CTDNEP1: variants seen among roughly 807,000 people sequenced by gnomAD.
CTDNEP1 encodes the protein C-terminal domain nuclear envelope phosphatase 1.
In CTDNEP1, 3 loss-of-function variants were observed where a neutral mutation model predicts 30.1. That is an observed-to-expected ratio of 0.10 (90% CI 0.05 to 0.26). The LOEUF is 0.26. Among genes scored for constraint, CTDNEP1 ranks in the 10% least tolerant of loss-of-function variants. The pLI is 1.00. For synonymous variants in CTDNEP1, 123 were observed against 118.8 expected, an observed-to-expected ratio of 1.04 and a Z score of -0.23; for missense variants, 158 against 310.4, an observed-to-expected ratio of 0.51 and a Z score of 3.69.
chr17:7,250,336 C>G (rs1412652555), intron 1 of CTDNEP1, among the ~76,000 whole-genome samples: 1 of 152,224 alleles, frequency 6.6e-6, no homozygotes, highest in Non-Finnish European at 1.5e-5. Context: ...AGAGCACATT[C>G]ATTTAAAGTG....
In CTDNEP1 at chr17:7,243,918, T is replaced by C. The variant is rs1481455069; in HGVS notation, c.*267A>G. ...AGTCCTGCCTCTTCACAAACACTGATTCGGCTCTCCTAGGCTTCCGCCTGT... is the reference window on the plus strand; with the variant it reads ...AGTCCTGCCTCTTCACAAACACTGACTCGGCTCTCCTAGGCTTCCGCCTGT... On this transcript the variant is annotated 3_prime_UTR_variant, in exon 8 of 8. Coordinates refer to ENST00000574322, the MANE Select transcript of CTDNEP1 (RefSeq NM_001143775.2). 2 of 1,313,862 alleles carry C rather than the reference T, an allele frequency of 1.5e-6. No individual in the cohort carries two copies. Among genetic ancestry groups the C allele is most frequent in the African/African-American group, 3.0e-5 (2 of 67,262 alleles). The allele number at this position is 1,313,862 out of a possible 1,614,324, so 81.4% of individuals were successfully genotyped here.
chr17:7,248,709 A>AC (rs2071876663), intron 1 of CTDNEP1, among the ~76,000 whole-genome samples: 1 of 151,642 alleles, frequency 6.6e-6, no homozygotes, highest in East Asian at 1.9e-4. Context: ...CAAAGAAACG[A>AC]CCCCCACAAC....
At chr17:7,249,901 ACT>A (rs2071890176) in intron 1 of CTDNEP1, among the ~76,000 whole-genome samples, 1 of 152,056 alleles carries the variant, frequency 6.6e-6, no homozygotes, top group Non-Finnish European at 1.5e-5. Flanking sequence ...ACAAAGCGAG[ACT>A]GTCTCAGAAA....
chr17:7,247,856 T>C (rs972281268), intron 1 of CTDNEP1, among the ~76,000 whole-genome samples: 1 of 152,106 alleles, frequency 6.6e-6, no homozygotes, highest in African/African-American at 2.4e-5. Flanking sequence ...AGGAATTATC[T>C]TAAGTTGTTT....
intron 7 of CTDNEP1, 27 bp from the exon 8 acceptor site, chr17:7,244,272 A>G (rs987262022): frequency 6.2e-6 from 10 of 1,612,428 alleles, no homozygotes; most frequent in Non-Finnish European, 8.5e-6. Flanking sequence ...TTGCATTGGT[A>G]GAGTACCTTA....
At chr17:7,247,474 T>C in intron 1 of CTDNEP1, 131 bp from the exon 2 acceptor site, 6 of 648,688 alleles carry the variant, frequency 9.2e-6, no homozygotes, top group Non-Finnish European at 1.3e-5. Context: ...CTTCTTCTTT[T>C]TTTTTTTTTT....
rs2071861713 is a variant in CTDNEP1, at chr17:7,247,721, C to T, written c.103-378G>A. Among the ~76,000 whole-genome samples, 4 of 151,970 alleles carry T rather than the reference C, an allele frequency of 2.6e-5. No homozygotes were observed. The South Asian group carries it at 8.3e-4, about 32-fold the overall frequency. ...TGACCTTGTGATCCTCCTGCCTTTG[C>T]CTCCCAAAGTGCTGGGATTACAGGA... On this transcript the variant is annotated intron_variant, in intron 1 of 7. Transcript: ENST00000574322.
chr17:7,250,016 C>G (rs1324549436), intron 1 of CTDNEP1, among the ~76,000 whole-genome samples: 1 of 151,992 alleles, frequency 6.6e-6, no homozygotes, highest in Non-Finnish European at 1.5e-5. Context: ...AGCGCTGCTG[C>G]CTACAGCCAC....
chr17:7,248,087 C>G (rs901955387), intron 1 of CTDNEP1, among the ~76,000 whole-genome samples: 31 of 150,872 alleles, frequency 2.1e-4, no homozygotes, highest in Non-Finnish European at 4.4e-4. Context: ...ATGGTGAAAC[C>G]CCGTCTCTAC....
chr17:7,246,526 C>T lies in CTDNEP1; in HGVS notation c.361-156G>A, dbSNP rs2071839935. ...GAAATTCTGAACCCCCAGCCCAAAC[C>T]TCCAAACTCAGTGTTAGGCATCCTA... On this transcript the variant is annotated intron_variant, in intron 4 of 7. Transcript: ENST00000574322. The surrounding 1 kb of genome is among the most constrained non-coding windows in gnomAD (Gnocchi z 4.9). 1.5e-6 allele frequency: 1 copy of T among 662,564 alleles called. No individual in the cohort carries two copies. Among genetic ancestry groups the T allele is most frequent in the Non-Finnish European group, 2.6e-6 (1 of 379,344 alleles). 41.0% of individuals were successfully genotyped at this position (662,564 alleles called of 1,614,324 possible). A position where few individuals can be genotyped will look rare whatever the true frequency, so the allele number is the denominator to read the frequency against.
chr17:7,248,349 CCTCT>C (rs1395761544), intron 1 of CTDNEP1, among the ~76,000 whole-genome samples: 2 of 146,732 alleles, frequency 1.4e-5, no homozygotes, highest in South Asian at 4.2e-4. Context: ...AAGAACGTGC[CCTCT>C]TTTTTTTTCT....
Position 7,244,598 on chromosome 17 carries a change from G to A in CTDNEP1, c.627C>T (p.Pro209=), listed in dbSNP as rs1317753883. 10 of 1,613,408 alleles carry A rather than the reference G, an allele frequency of 6.2e-6. No individual in the cohort carries two copies. Among genetic ancestry groups the A allele is most frequent in the Admixed American group, 1.7e-5 (1 of 59,888 alleles). Residue 209 remains proline (P), a synonymous_variant, in exon 7 of 8, where the codon CCC becomes CCT. Transcript: ENST00000574322. ...GCAGGTTGAGAAGGGCTGTGTCGCT[G>A]GGGTCACTGAACCAGGATTTGATGG... ...AIPIKSWFSD[P]SDTALLNLLP...
At chr17:7,247,522 G>A (rs1398143136) in intron 1 of CTDNEP1, among the ~76,000 whole-genome samples, 179 bp from the exon 2 acceptor site, 1 of 149,264 alleles carries the variant, frequency 6.7e-6, no homozygotes, top group East Asian at 2.0e-4. Flanking sequence ...AGGCTGGAGT[G>A]CAGCGGCATG....
Position 7,246,871 on chromosome 17 carries a change from G to A in CTDNEP1, c.289-9C>T, listed in dbSNP as rs766238158. 4.6e-5 allele frequency: 74 copies of A among 1,612,526 alleles called. No individual in the cohort carries two copies. The South Asian group carries it at 7.8e-4, about 17-fold the overall frequency. ...TGTTTGTCTATTACCACCTACAGAG[G>A]AACAAGATGGGCTGGGGGATGTCAT... On this transcript the variant is annotated splice_polypyrimidine_tract_variant and intron_variant, in intron 3 of 7. Transcript: ENST00000574322. The surrounding 1 kb of genome is among the most constrained non-coding windows in gnomAD (Gnocchi z 4.9).
In CTDNEP1 at chr17:7,246,650, TC is replaced by T. The variant is rs1317520433; in HGVS notation, c.360+140del. Reference sequence around the variant, plus strand: ...ATGAACCCCAAGTACTGAAAGCCACTCCCCTACCATTACACAGCCTCCCCTC... The same window carrying T: ...ATGAACCCCAAGTACTGAAAGCCACTCCCTACCATTACACAGCCTCCCCTC... On this transcript the variant is annotated intron_variant, in intron 4 of 7. Transcript: ENST00000574322. The surrounding 1 kb of genome is among the most constrained non-coding windows in gnomAD (Gnocchi z 4.9). 2.8e-6 allele frequency: 2 copies of T among 716,852 alleles called. No individual in the cohort carries two copies. The highest frequency in any genetic ancestry group is 3.5e-5 in the African/African-American group (2 of 56,436). 44.4% of individuals were successfully genotyped at this position (716,852 alleles called of 1,614,324 possible). A position where few individuals can be genotyped will look rare whatever the true frequency, so the allele number is the denominator to read the frequency against.
rs369547913 is a variant in CTDNEP1, at chr17:7,246,983, T to C, written c.288+81A>G. 178 of 1,409,428 alleles carry C rather than the reference T, an allele frequency of 1.3e-4. No homozygotes were observed. In the African/African-American group the frequency reaches 2.3e-3, roughly 18 times the overall value. 87.3% of individuals were successfully genotyped at this position (1,409,428 alleles called of 1,614,324 possible). ...ACTGGTGCCAGCGGATGGAGACAGA[T>C]GCTCTGGGACTGGGAAAGGGAGTCC... is the stretch of plus-strand genomic sequence containing the variant. On this transcript the variant is annotated intron_variant, in intron 3 of 7. Coordinates refer to ENST00000574322, the MANE Select transcript of CTDNEP1 (RefSeq NM_001143775.2). This position sits in a 1 kb window ranked among gnomAD's most constrained non-coding sequence, Gnocchi z 4.9.
At chr17:7,244,466 G>T in intron 7 of CTDNEP1, 85 bp downstream of exon 7, 1 of 1,380,264 alleles carries the variant, frequency 7.2e-7, no homozygotes, top group Non-Finnish European at 1.0e-6. Flanking sequence ...AGTTAAAACA[G>T]GACAAACCTT....
intron 1 of CTDNEP1, among the ~76,000 whole-genome samples, chr17:7,248,038 G>A (rs1234291169): frequency 6.6e-6 from 1 of 151,298 alleles, no homozygotes; most frequent in Non-Finnish European, 1.5e-5. Flanking sequence ...CAAGGCAGGC[G>A]GATCACAAGG....
intron 1 of CTDNEP1, among the ~76,000 whole-genome samples, chr17:7,247,875 A>G (rs976934590): frequency 6.6e-6 from 1 of 152,098 alleles, no homozygotes; most frequent in African/African-American, 2.4e-5. Flanking sequence ...TTCTCTCCCT[A>G]ATTAAAATGA....
Sources: gnomAD v4.1 joint callset for allele counts (sites outside exome capture counted in the v4.1 genomes callset) on GRCh38, gnomAD v4.1.1 for gene constraint, Gnocchi (gnomAD v3.1) non-coding constraint, MANE v1.5 for transcripts, NCBI Gene and HGNC (gene_info 2026-07-23, HGNC 2026-07-21) for gene names.